Variants in CEP83 observed in about 807,000 individuals in gnomAD.
The protein encoded by CEP83 is centrosomal protein of 83 kDa.
CEP83 carries 70 observed loss-of-function variants against 101.9 expected under a neutral mutation model. That is an observed-to-expected ratio of 0.69 (90% CI 0.57 to 0.84). The LOEUF is 0.84. Ranked by LOEUF, CEP83 falls within the 40% of genes least tolerant of loss-of-function variation. The pLI is 0.00. For synonymous variants in CEP83, 264 were observed against 267.9 expected (o/e 0.99, Z 0.14); for missense variants, 715 against 787.2 (o/e 0.91, Z 1.10).
chr12:94,392,440 A>G (rs949525968), intron 6 of CEP83, among the ~76,000 whole-genome samples: 1 of 152,216 alleles, frequency 6.6e-6, no homozygotes, highest in Non-Finnish European at 1.5e-5. Context: ...TTTGAAACCA[A>G]TGAGAAGAAA....
At chr12:94,351,819 C>G (rs2060210854) in intron 11 of CEP83, among the ~76,000 whole-genome samples, 1 of 152,172 alleles carries the variant, frequency 6.6e-6, no homozygotes, top group African/African-American at 2.4e-5. Context: ...CAATGAGCAC[C>G]CAACACCCAA....
At chr12:94,355,812 C>T (rs556824180) in intron 11 of CEP83, among the ~76,000 whole-genome samples, 4 of 152,312 alleles carry the variant, frequency 2.6e-5, no homozygotes, top group South Asian at 4.1e-4. Context: ...GTCTTAAGGG[C>T]GTATTCCTGC....
At chr12:94,388,629 G>A (rs969792222) in intron 6 of CEP83, among the ~76,000 whole-genome samples, 1 of 152,144 alleles carries the variant, frequency 6.6e-6, no homozygotes, top group Non-Finnish European at 1.5e-5. Context: ...GAAAAGTTAA[G>A]TAGAATAAAG....
intron 1 of CEP83, among the ~76,000 whole-genome samples, chr12:94,446,150 T>C (rs546729939): frequency 2.3e-4 from 35 of 152,342 alleles, no homozygotes; most frequent in South Asian, 2.1e-4. Flanking sequence ...ACTATGACCA[T>C]TGTCACTCAC....
At position 94,378,859 on chromosome 12, in the gene CEP83, C is replaced by CCGCT; in HGVS notation, c.732_733insAGCG (p.Val245SerfsTer15). 6.2e-7 allele frequency: 1 copy of CCGCT among 1,614,082 alleles called. No individual in the cohort carries two copies. The highest frequency in any genetic ancestry group is 8.5e-7 in the Non-Finnish European group (1 of 1,179,988). ...ACCTGTATTCTTTGGGCATTTTCCA[C>CCGCT]CTGAGCCTCAGAATTCTCCTTTTCA... On this transcript the variant is annotated frameshift_variant, in exon 7 of 17. Coordinates refer to ENST00000397809, the MANE Select transcript of CEP83 (RefSeq NM_016122.3). LOFTEE classifies it high-confidence loss of function.
chr12:94,399,876 C>G (rs2063149170), intron 6 of CEP83, among the ~76,000 whole-genome samples: 1 of 152,082 alleles, frequency 6.6e-6, no homozygotes, highest in Non-Finnish European at 1.5e-5. Flanking sequence ...TTATAGTGTT[C>G]TGGTACTACA....
chr12:94,320,910 G>A (rs779484527), intron 14 of CEP83, among the ~76,000 whole-genome samples: 35 of 152,260 alleles, frequency 2.3e-4, no homozygotes, highest in South Asian at 1.5e-3. Context: ...TATAGTTCCT[G>A]TTGGTCTCTC....
the CEP83 span, chr12:94,282,359 T>G: frequency 6.2e-7 from 1 of 1,613,864 alleles, no homozygotes; most frequent in Non-Finnish European, 8.5e-7. Context: ...CCGTGATTCT[T>G]GAAGATGGAA....
chr12:94,381,752 CATT>C (rs1322242413), intron 6 of CEP83, among the ~76,000 whole-genome samples: 1 of 152,068 alleles, frequency 6.6e-6, no homozygotes, highest in African/African-American at 2.4e-5. Context: ...AGTCTGTCGT[CATT>C]ATCTGTTCCT....
At chr12:94,336,104 C>T (rs1010740211) in intron 11 of CEP83, among the ~76,000 whole-genome samples, 17 of 152,086 alleles carry the variant, frequency 1.1e-4, no homozygotes, top group Admixed American at 6.6e-5. Flanking sequence ...TTCAGACACA[C>T]GCTACTTCAT....
chr12:94,387,681 G>C (rs893074293), intron 6 of CEP83, among the ~76,000 whole-genome samples: 3 of 152,084 alleles, frequency 2.0e-5, no homozygotes, highest in Non-Finnish European at 4.4e-5. Flanking sequence ...TGCAAACTAT[G>C]CATCTGACAA....
chr12:94,300,006 G>A, the CEP83 span, among the ~76,000 whole-genome samples: 2 of 152,160 alleles, frequency 1.3e-5, no homozygotes, highest in East Asian at 3.9e-4. Context: ...AGCATATGGG[G>A]GAGGTAATGA....
chr12:94,351,589 G>A (rs1185142292), intron 11 of CEP83, among the ~76,000 whole-genome samples: 2 of 152,158 alleles, frequency 1.3e-5, no homozygotes, highest in Non-Finnish European at 2.9e-5. Flanking sequence ...AAAGGAACAA[G>A]CAATCTAGCA....
the CEP83 span, among the ~76,000 whole-genome samples, chr12:94,290,447 G>A: frequency 0.023 from 3,535 of 152,378 alleles, 145 homozygotes; most frequent in African/African-American, 0.081. Context: ...AGCTCAGTAA[G>A]AGTTAAGAAT....
At chr12:94,423,656 T>G (rs1249483846) in intron 2 of CEP83, 24 of 1,560,342 alleles carry the variant, frequency 1.5e-5, no homozygotes, top group Non-Finnish European at 1.7e-5. Context: ...ATGGTCTCCA[T>G]TCCTGGTTAA....
intron 12 of CEP83, among the ~76,000 whole-genome samples, chr12:94,334,859 G>A (rs2059386632): frequency 6.6e-6 from 1 of 152,060 alleles, no homozygotes; most frequent in Admixed American, 6.6e-5. Context: ...CCTTCAAAGA[G>A]CTTAATACCT....
At chr12:94,290,877 C>T in the CEP83 span, among the ~76,000 whole-genome samples, 5 of 152,200 alleles carry the variant, frequency 3.3e-5, no homozygotes, top group East Asian at 1.9e-4. Context: ...AGGGTCAGTC[C>T]TCCAGAAACA....
intron 6 of CEP83, among the ~76,000 whole-genome samples, chr12:94,384,352 G>A (rs994942624): frequency 7.2e-5 from 11 of 152,058 alleles, no homozygotes; most frequent in African/African-American, 2.7e-4. Context: ...TTCTTGGGCT[G>A]CTTTCAAGAT....
intron 4 of CEP83, among the ~76,000 whole-genome samples, chr12:94,404,111 A>C (rs1181446636): frequency 1.3e-5 from 2 of 152,158 alleles, no homozygotes; most frequent in African/African-American, 2.4e-5. Context: ...CAACAATGCC[A>C]CAGTATAGCT....
Sources: allele counts gnomAD v4.1 joint callset (sites outside exome capture counted in the v4.1 genomes callset), GRCh38; gene constraint gnomAD v4.1.1; transcripts MANE v1.5; gene names NCBI Gene and HGNC (gene_info 2026-07-23, HGNC 2026-07-21).